ASCC3: variants seen among roughly 807,000 people sequenced by gnomAD.
The protein encoded by ASCC3 is activating signal cointegrator 1 complex subunit 3.
Under a neutral mutation model 256.3 loss-of-function variants are expected in ASCC3, and 158 were observed. That is an observed-to-expected ratio of 0.62 (90% confidence interval 0.54 to 0.70). ASCC3 has a LOEUF of 0.70. ASCC3 is among the 30% of genes least tolerant of loss of function. The probability of loss-of-function intolerance (pLI) is 0.00; values close to 1 mark genes in which losing one functional copy is unlikely to be tolerated. For synonymous variants in ASCC3, 948 were observed against 883.4 expected, an observed-to-expected ratio of 1.07 and a Z score of -1.30; for missense variants, 2,259 against 2,626.0, an observed-to-expected ratio of 0.86 and a Z score of 3.05.
intron 4 of ASCC3, among the ~76,000 whole-genome samples, chr6:100,819,911 T>TG (rs201786230): frequency 2.3e-5 from 3 of 128,376 alleles, no homozygotes; most frequent in Admixed American, 8.3e-5. Context: ...AATACATTAC[T>TG]GGGAAAAAAA....
intron 36 of ASCC3, among the ~76,000 whole-genome samples, chr6:100,586,930 G>A (rs997418421): frequency 1.3e-5 from 2 of 152,076 alleles, no homozygotes; most frequent in Non-Finnish European, 2.9e-5. Flanking sequence ...CAGTTGTAAT[G>A]TTATCAGAAA....
chr6:100,554,564 G>A (rs111707114), intron 36 of ASCC3, among the ~76,000 whole-genome samples: 38 of 152,216 alleles, frequency 2.5e-4, no homozygotes, highest in African/African-American at 8.4e-4. Flanking sequence ...AAGTTAATGA[G>A]TTCTAGACTT....
At chr6:100,709,962 C>A (rs776912168) in intron 13 of ASCC3, among the ~76,000 whole-genome samples, 1 of 152,072 alleles carries the variant, frequency 6.6e-6, no homozygotes, top group Non-Finnish European at 1.5e-5. Context: ...CCCACTCTTA[C>A]GGAAAACGAA....
intron 13 of ASCC3, among the ~76,000 whole-genome samples, chr6:100,701,122 G>T (rs1215945927): frequency 6.6e-6 from 1 of 152,076 alleles, no homozygotes; most frequent in Admixed American, 6.6e-5. Flanking sequence ...CAAATAAATT[G>T]CCAAATAATC....
At chr6:100,523,502 C>G (rs961432255) in intron 37 of ASCC3, among the ~76,000 whole-genome samples, 1 of 152,082 alleles carries the variant, frequency 6.6e-6, no homozygotes, top group Admixed American at 6.6e-5. Flanking sequence ...GGCAAGAACT[C>G]ATAGAAAAGA....
rs1198330996 is a variant in ASCC3, at chr6:100,631,116, G to C, written c.4208+12C>G. 2 of 1,578,154 alleles carry C rather than the reference G, an allele frequency of 1.3e-6. No individual in the cohort carries two copies. The highest frequency in any genetic ancestry group is 1.7e-6 in the Non-Finnish European group (2 of 1,149,276). Reference sequence around the variant, plus strand: ...TTCAAAGCGTATCTTTTGAGTAAAAGTAAGAACTTACTTTTTACCAAGTTT... The same window carrying C: ...TTCAAAGCGTATCTTTTGAGTAAAACTAAGAACTTACTTTTTACCAAGTTT... On this transcript the variant is annotated intron_variant, in intron 26 of 41. Coordinates refer to ENST00000369162, the MANE Select transcript of ASCC3 (RefSeq NM_006828.4).
At chr6:100,542,954 C>G (rs1203202817) in intron 36 of ASCC3, among the ~76,000 whole-genome samples, 1 of 151,876 alleles carries the variant, frequency 6.6e-6, no homozygotes. Flanking sequence ...TAATATCACT[C>G]AATACAAAAT....
chr6:100,615,029 T>A (rs12528121), intron 30 of ASCC3, among the ~76,000 whole-genome samples: 1 of 151,972 alleles, frequency 6.6e-6, no homozygotes, highest in Non-Finnish European at 1.5e-5. Context: ...TTAAAAAAAA[T>A]TTTTGAGATG....
intron 36 of ASCC3, among the ~76,000 whole-genome samples, chr6:100,557,060 G>A (rs889440911): frequency 2.6e-5 from 4 of 152,150 alleles, no homozygotes; most frequent in East Asian, 1.9e-4. Context: ...GACATGTTGA[G>A]TATGTTCACA....
intron 24 of ASCC3, among the ~76,000 whole-genome samples, chr6:100,640,140 AT>A (rs1426388195): frequency 6.6e-6 from 1 of 152,178 alleles, no homozygotes; most frequent in Non-Finnish European, 1.5e-5. Flanking sequence ...TGAATAAAAA[AT>A]AATAGAGAAG....
rs980642699 is a variant in ASCC3, at chr6:100,838,588, C to G, written c.801+9560G>C. Reference sequence around the variant, plus strand: ...TGCTCATTATTTACAGGTACTTAATCTACACAACAATTTACAAAGCTAAAA... The same window carrying G: ...TGCTCATTATTTACAGGTACTTAATGTACACAACAATTTACAAAGCTAAAA... On this transcript the variant is annotated intron_variant, in intron 4 of 41. Transcript: ENST00000369162. 2.7e-4 allele frequency among the ~76,000 whole-genome samples: 41 copies of G among 152,086 alleles called. 3 individuals are homozygous for G. Among genetic ancestry groups the G allele is most frequent in the Admixed American group, 1.9e-3 (29 of 15,272 alleles).
chr6:100,776,170 C>T (rs1782178550), intron 8 of ASCC3, among the ~76,000 whole-genome samples: 2 of 152,004 alleles, frequency 1.3e-5, no homozygotes, highest in Non-Finnish European at 2.9e-5. Flanking sequence ...TGACATTCTT[C>T]TAACTTAAAA....
intron 10 of ASCC3, among the ~76,000 whole-genome samples, chr6:100,758,091 A>G (rs1437706123): frequency 6.6e-6 from 1 of 152,100 alleles, no homozygotes. Flanking sequence ...GCCCTCTGAT[A>G]TCATAATACT....
chr6:100,830,397 T>C (rs1440389406), intron 4 of ASCC3, among the ~76,000 whole-genome samples: 1 of 152,162 alleles, frequency 6.6e-6, no homozygotes, highest in Non-Finnish European at 1.5e-5. Context: ...TAAAACCCAC[T>C]ACATAGATAT....
intron 36 of ASCC3, among the ~76,000 whole-genome samples, chr6:100,543,124 C>T (rs566983206): frequency 1.3e-5 from 2 of 152,266 alleles, no homozygotes; most frequent in Admixed American, 6.5e-5. Flanking sequence ...AATCCAGATA[C>T]TCAAGTCTCT....
intron 36 of ASCC3, among the ~76,000 whole-genome samples, chr6:100,558,307 T>C (rs549111539): frequency 6.6e-5 from 10 of 152,110 alleles, no homozygotes; most frequent in African/African-American, 2.2e-4. Context: ...GTGAAAAGCA[T>C]TGTACCCTGC....
intron 1 of ASCC3, among the ~76,000 whole-genome samples, chr6:100,877,492 C>G (rs1191658460): frequency 4.6e-5 from 7 of 152,108 alleles, no homozygotes; most frequent in Non-Finnish European, 7.4e-5. Context: ...AAGATCAGAA[C>G]TCAGAAAATA....
At chr6:100,592,557 T>C (rs2114777475) in intron 34 of ASCC3, among the ~76,000 whole-genome samples, 1 of 152,208 alleles carries the variant, frequency 6.6e-6, no homozygotes, top group South Asian at 2.1e-4. Flanking sequence ...TTAGGTTACA[T>C]AAAATTTTGG....
At chr6:100,654,227 T>C (rs1416463640) in intron 17 of ASCC3, among the ~76,000 whole-genome samples, 1 of 151,896 alleles carries the variant, frequency 6.6e-6, no homozygotes, top group Non-Finnish European at 1.5e-5. Context: ...TATGCTAAAC[T>C]GTTTTATCTG....
Sources: allele counts gnomAD v4.1 joint callset (sites outside exome capture counted in the v4.1 genomes callset), GRCh38; gene constraint gnomAD v4.1.1; transcripts MANE v1.5; gene names NCBI Gene and HGNC (gene_info 2026-07-23, HGNC 2026-07-21).